RYR2: variants seen among roughly 807,000 people sequenced by gnomAD.
RYR2 encodes ryanodine receptor 2.
In RYR2, 227 loss-of-function variants were observed where a neutral mutation model predicts 601.1. The observed-to-expected ratio is 0.38, with a 90% CI of 0.34 to 0.42. The LOEUF is 0.42. Ranked by LOEUF, RYR2 falls within the 10% of genes least tolerant of loss-of-function variation. RYR2 has a pLI of 1.00. For missense variants in RYR2, 4,646 were observed against 6,156.5 expected (o/e 0.75, Z 8.21); for synonymous variants, 2,223 against 2,175.1 (o/e 1.02, Z -0.61).
At chr1:237,353,457 C>T (rs904571782) in intron 3 of RYR2, among the ~76,000 whole-genome samples, 3 of 143,846 alleles carry the variant, frequency 2.1e-5, no homozygotes, top group African/African-American at 7.8e-5. Context: ...TACAGTGAGC[C>T]GAGATTTCAC....
intron 88 of RYR2, among the ~76,000 whole-genome samples, chr1:237,780,900 A>AAGTT (rs1217227789): frequency 6.6e-6 from 1 of 152,228 alleles, no homozygotes; most frequent in East Asian, 1.9e-4. Context: ...AGAAGTTAGA[A>AAGTT]AGTTAGAAGA....
At chr1:237,763,808 A>T (rs1443121054) in intron 84 of RYR2, among the ~76,000 whole-genome samples, 4 of 152,248 alleles carry the variant, frequency 2.6e-5, no homozygotes, top group African/African-American at 7.2e-5. Context: ...AAGAATTCCT[A>T]TACAGACACT....
chr1:237,754,438 G>GT (rs1249206678), intron 80 of RYR2, among the ~76,000 whole-genome samples: 10 of 152,072 alleles, frequency 6.6e-5, no homozygotes, highest in African/African-American at 1.9e-4. Flanking sequence ...GTTTTGTTCT[G>GT]TTTTTTCTCA....
At chr1:237,546,993 A>ATATATATATATATATATATATTTATT (rs746133377) in intron 25 of RYR2, among the ~76,000 whole-genome samples, 5 of 127,392 alleles carry the variant, frequency 3.9e-5, no homozygotes, top group South Asian at 2.7e-4. Context: ...ATATATATAT[A>ATATATATATATATATATATATTTATT]TATTTATTTA....
intron 3 of RYR2, among the ~76,000 whole-genome samples, chr1:237,346,294 G>A (rs374617069): frequency 6.0e-5 from 9 of 149,382 alleles, no homozygotes; most frequent in South Asian, 2.1e-4. Flanking sequence ...GCTTGAGCCC[G>A]GGAGGTCAAA....
intron 1 of RYR2, among the ~76,000 whole-genome samples, chr1:237,220,530 G>A (rs1683694533): frequency 6.6e-6 from 1 of 152,050 alleles, no homozygotes; most frequent in Non-Finnish European, 1.5e-5. Flanking sequence ...CTGCTTCTGT[G>A]GTCCTGTGAG....
At chr1:237,592,916 G>T (rs1675383501) in intron 32 of RYR2, among the ~76,000 whole-genome samples, 1 of 151,476 alleles carries the variant, frequency 6.6e-6, no homozygotes, top group Non-Finnish European at 1.5e-5. Context: ...AGCTACTCGG[G>T]AGGCTGAGGC....
intron 1 of RYR2, among the ~76,000 whole-genome samples, chr1:237,083,146 T>G (rs1665934710): frequency 6.6e-6 from 1 of 152,174 alleles, no homozygotes; most frequent in South Asian, 2.1e-4. Flanking sequence ...CAACATTCAT[T>G]TATTTGAAGA....
intron 6 of RYR2, among the ~76,000 whole-genome samples, chr1:237,372,769 T>G (rs1390731971): frequency 2.6e-5 from 4 of 152,214 alleles, no homozygotes; most frequent in African/African-American, 9.6e-5. Context: ...GTTTGCCACA[T>G]GCTGGACAGC....
At chr1:237,352,443 A>C (rs1020076054) in intron 3 of RYR2, among the ~76,000 whole-genome samples, 1 of 152,140 alleles carries the variant, frequency 6.6e-6, no homozygotes, top group Non-Finnish European at 1.5e-5. Context: ...AGAAAAATAA[A>C]GATGACCTTA....
chr1:237,690,242 G>A (rs529638177), intron 63 of RYR2, among the ~76,000 whole-genome samples: 1 of 152,290 alleles, frequency 6.6e-6, no homozygotes, highest in South Asian at 2.1e-4. Context: ...ACATCCTAGA[G>A]AGAATAGTGG....
At chr1:237,389,220 A>T (rs1265345744) in intron 10 of RYR2, among the ~76,000 whole-genome samples, 1 of 152,236 alleles carries the variant, frequency 6.6e-6, no homozygotes, top group Non-Finnish European at 1.5e-5. Context: ...CACTTGGATA[A>T]GGAATTAGTT....
intron 2 of RYR2, among the ~76,000 whole-genome samples, chr1:237,325,062 T>C (rs891789204): frequency 1.3e-5 from 2 of 152,160 alleles, no homozygotes; most frequent in African/African-American, 4.8e-5. Context: ...AACATTTTCT[T>C]TGTGTAAGTC....
intron 102 of RYR2, chr1:237,830,293 G>C (rs1197452302): frequency 7.3e-6 from 3 of 408,522 alleles, no homozygotes; most frequent in African/African-American, 4.1e-5. Context: ...TCATCATCTT[G>C]TTCCCTGTCT....
intron 32 of RYR2, among the ~76,000 whole-genome samples, chr1:237,592,616 GAGTA>G (rs1174187363): frequency 6.8e-6 from 1 of 146,936 alleles, no homozygotes; most frequent in Non-Finnish European, 1.5e-5. Context: ...CTGGGTGACA[GAGTA>G]AGACTCTGTC....
At chr1:237,074,486 G>A (rs1172945381) in intron 1 of RYR2, among the ~76,000 whole-genome samples, 2 of 152,142 alleles carry the variant, frequency 1.3e-5, no homozygotes, top group African/African-American at 4.8e-5. Context: ...CACCTCTGAG[G>A]CCTCAAGCAG....
At chr1:237,569,567 A>C (rs1272060787) in intron 29 of RYR2, among the ~76,000 whole-genome samples, 8 of 152,176 alleles carry the variant, frequency 5.3e-5, no homozygotes, top group Non-Finnish European at 1.2e-4. Context: ...TGAATAAGAA[A>C]ATAAATAGCA....
At chr1:237,410,771 G>A (rs1449513821) in intron 10 of RYR2, among the ~76,000 whole-genome samples, 4 of 152,092 alleles carry the variant, frequency 2.6e-5, no homozygotes, top group Admixed American at 6.6e-5. Context: ...AACAGTTCTC[G>A]AGACAGTGGA....
chr1:237,618,381 TA>T (rs1678709618), intron 38 of RYR2, among the ~76,000 whole-genome samples: 1 of 152,128 alleles, frequency 6.6e-6, no homozygotes, highest in African/African-American at 2.4e-5. Flanking sequence ...TCCTTTTAAG[TA>T]CAACTAAAAC....
Sources: allele counts gnomAD v4.1 joint callset (sites outside exome capture counted in the v4.1 genomes callset), GRCh38; gene constraint gnomAD v4.1.1; transcripts MANE v1.5; gene names NCBI Gene and HGNC (gene_info 2026-07-23, HGNC 2026-07-21).